The following ZNF337 variants were observed in gnomAD, a reference collection of about 807,000 sequenced individuals.
ZNF337 encodes the protein zinc finger protein 337.
In ZNF337, 8 loss-of-function variants were observed where a neutral mutation model predicts 12.1. That is an observed-to-expected ratio of 0.66 (90% CI 0.39 to 1.19). The LOEUF is 1.19. Among genes scored for constraint, ZNF337 ranks in the 50% most tolerant of loss-of-function variants. The pLI is 0.01. For synonymous variants in ZNF337, 336 were observed against 320.0 expected (o/e 1.05, Z -0.53); for missense variants, 882 against 896.6 (o/e 0.98, Z 0.21).
intron 4 of ZNF337, chr20:25,677,458 G>A (rs1017716268): frequency 6.4e-6 from 1 of 157,414 alleles, no homozygotes; most frequent in African/African-American, 2.4e-5. Flanking sequence ...CATCAACAGA[G>A]TGAAGGACCA....
chr20:25,681,504 T>C (rs536374387), intron 4 of ZNF337, among the ~76,000 whole-genome samples: 1 of 151,626 alleles, frequency 6.6e-6, no homozygotes, highest in East Asian at 1.9e-4. Context: ...TCAACAACAA[T>C]AACCATAAAA....
intron 3 of ZNF337, 84 bp from the exon 4 acceptor site, chr20:25,685,746 G>T: frequency 7.6e-7 from 1 of 1,318,786 alleles, no homozygotes; most frequent in Non-Finnish European, 1.1e-6. Context: ...GGGCAGGAAG[G>T]GAGGGAGAAT....
At chr20:25,694,029 T>C (rs2122478166) in intron 1 of ZNF337, among the ~76,000 whole-genome samples, 1 of 152,306 alleles carries the variant, frequency 6.6e-6, no homozygotes, top group South Asian at 2.1e-4. Flanking sequence ...ATCCTGAGTG[T>C]GGGCATCGCA....
intron 1 of ZNF337, among the ~76,000 whole-genome samples, chr20:25,689,009 C>T (rs1312298697): frequency 6.6e-6 from 1 of 151,930 alleles, no homozygotes; most frequent in African/African-American, 2.4e-5. Flanking sequence ...GTGGTGGCGG[C>T]GCCTGTAGTC....
At chr20:25,689,759 T>C (rs1673797408) in intron 1 of ZNF337, among the ~76,000 whole-genome samples, 1 of 152,226 alleles carries the variant, frequency 6.6e-6, no homozygotes, top group South Asian at 2.1e-4. Context: ...TTTAAAATGA[T>C]CAAATCTGGA....
chr20:25,693,692 T>C (rs1219984369), intron 1 of ZNF337, among the ~76,000 whole-genome samples: 2 of 152,150 alleles, frequency 1.3e-5, no homozygotes, highest in African/African-American at 2.4e-5. Flanking sequence ...GAGCCTCAGA[T>C]GGGACAGTGT....
intron 4 of ZNF337, among the ~76,000 whole-genome samples, chr20:25,681,841 ATGC>A (rs2065771968): frequency 1.3e-5 from 2 of 152,244 alleles, no homozygotes; most frequent in African/African-American, 4.8e-5. Flanking sequence ...ATTGATATGC[ATGC>A]TGAAGTGTTT....
chr20:25,690,500 G>A (rs1045699294), intron 1 of ZNF337, among the ~76,000 whole-genome samples: 8 of 152,204 alleles, frequency 5.3e-5, no homozygotes, highest in African/African-American at 1.9e-4. Flanking sequence ...AGAAAGCACA[G>A]TAGACCTTTC....
At position 25,675,810 on chromosome 20, in the gene ZNF337, C is replaced by T. The variant is rs777945402; in HGVS notation, c.1478G>A (p.Cys493Tyr). Residue 493 changes from cysteine (C) to tyrosine (Y), a missense_variant, in exon 5 of 5, where the codon TGT (cysteine) becomes TAT (tyrosine). Transcript: ENST00000252979. The part of the protein sequence containing the change: ...SEEKPYGCRE[C>Y]GRRFRDKSSY... ...GGACTTATCCCGAAACCTTCGCCCACACTCCCGACATCCATAAGGCTTCTC... is the reference window on the plus strand; with the variant it reads ...GGACTTATCCCGAAACCTTCGCCCATACTCCCGACATCCATAAGGCTTCTC... The T allele has an allele frequency of 1.2e-6, 2 of 1,614,070 alleles. No individual in the cohort carries two copies. Among genetic ancestry groups the T allele is most frequent in the Non-Finnish European group, 1.7e-6 (2 of 1,180,036 alleles).
At chr20:25,680,015 A>C (rs2065752303) in intron 4 of ZNF337, among the ~76,000 whole-genome samples, 1 of 152,184 alleles carries the variant, frequency 6.6e-6, no homozygotes, top group African/African-American at 2.4e-5. Flanking sequence ...TATCATTAGA[A>C]TCATTATCAT....
At chr20:25,688,629 T>C (rs1195772861) in intron 1 of ZNF337, among the ~76,000 whole-genome samples, 1 of 152,178 alleles carries the variant, frequency 6.6e-6, no homozygotes, top group Non-Finnish European at 1.5e-5. Flanking sequence ...CCTGAATAGG[T>C]GTGAAATGTT....
intron 1 of ZNF337, among the ~76,000 whole-genome samples, chr20:25,692,263 G>C (rs2065887594): frequency 6.6e-6 from 1 of 152,190 alleles, no homozygotes; most frequent in Non-Finnish European, 1.5e-5. Flanking sequence ...GAAAATTTCT[G>C]CATAAACTGG....
At position 25,675,381 on chromosome 20, in the gene ZNF337, C is replaced by T. The variant is rs763195980; in HGVS notation, c.1907G>A (p.Gly636Asp). 4.3e-6 allele frequency: 7 copies of T among 1,614,114 alleles called. No homozygotes were observed. In the Admixed American group the frequency reaches 1.0e-4, roughly 23 times the overall value. ...GAGGAGATTTCCCTTCCAGTTGAAG[C>T]CTCGCCCACACTCCTTGCATACAAA... ...QPFVCKECGR[G>D]FNWKGNLLTH... is the part of the protein sequence containing the mutation. Residue 636 changes from glycine to aspartate, a missense_variant, in exon 5 of 5, where the codon GGC becomes GAC. Physicochemically the swap from Gly to Asp is moderately conservative, Grantham distance 94. Coordinates refer to ENST00000252979, the MANE Select transcript of ZNF337 (RefSeq NM_015655.4).
chr20:25,676,500 G>T lies in ZNF337; in HGVS notation c.788C>A (p.Pro263His). 1.2e-6 allele frequency: 2 copies of T among 1,613,936 alleles called. No individual in the cohort carries two copies. The highest frequency in any genetic ancestry group is 1.7e-6 in the Non-Finnish European group (2 of 1,179,972). ...RHQRTHSGEK[P>H]FLCKVCGRGY... is the part of the protein sequence containing the mutation. ...TCGTCCACACACCTTGCACAGAAAA[G>T]GCTTCTCTCCTGAGTGTGTCCTCTG... Residue 263 changes from proline (P) to histidine (H), a missense_variant, in exon 5 of 5, where the codon CCT becomes CAT. Pro to His is a moderately conservative substitution (Grantham distance 77). Coordinates refer to ENST00000252979, the MANE Select transcript of ZNF337 (RefSeq NM_015655.4).
At position 25,676,840 on chromosome 20, in the gene ZNF337, C is replaced by T. The variant is rs1241788017; in HGVS notation, c.448G>A (p.Val150Met). The T allele has an allele frequency of 6.2e-7, 1 of 1,614,068 alleles. No individual in the cohort carries two copies. The highest frequency in any genetic ancestry group is 1.7e-5 in the Admixed American group (1 of 59,998). ...TGGCCTTGACTAGACTCTATTTCCA[C>T]TACACTGTTCCTCCTCCTTGAGCTT... ...AVSSRRRNSVVEIESSQGQRE... is the reference protein window; with the variant it reads ...AVSSRRRNSVMEIESSQGQRE... The change falls in exon 5 of 5, where the codon GTG becomes ATG. Residue 150 changes from valine (V) to methionine (M), a missense_variant. Coordinates refer to ENST00000252979, the MANE Select transcript of ZNF337 (RefSeq NM_015655.4).
In ZNF337 at chr20:25,696,741, C is replaced by A. The variant is rs371803717; in HGVS notation, c.-50+18G>T. 2.3e-4 allele frequency: 228 copies of A among 985,486 alleles called. No homozygotes were observed. The African/African-American group carries it at 3.5e-3, about 15-fold the overall frequency. 61.0% of individuals were successfully genotyped at this position (985,486 alleles called of 1,614,324 possible). ...GAAGGGCGCGCTGCAGAGAGGGACC[C>A]GCAGGAGCGCAGCTCACCGGGGCGG... On this transcript the variant is annotated intron_variant, in intron 1 of 4. Transcript: ENST00000252979.
At position 25,675,022 on chromosome 20, in the gene ZNF337, A is replaced by C; in HGVS notation, c.*10T>G. The C allele has an allele frequency of 6.2e-7, 1 of 1,607,454 alleles. No individual in the cohort carries two copies. The highest frequency in any genetic ancestry group is 2.2e-5 in the East Asian group (1 of 44,842). ...TGAGTGTGTCCTCTGATGGATGGTGAGATATAACTTCAAGATGAAGCCTCA... is the reference window on the plus strand; with the variant it reads ...TGAGTGTGTCCTCTGATGGATGGTGCGATATAACTTCAAGATGAAGCCTCA... On this transcript the variant is annotated 3_prime_UTR_variant, in exon 5 of 5. Coordinates refer to ENST00000252979, the MANE Select transcript of ZNF337 (RefSeq NM_015655.4).
chr20:25,694,703 T>C (rs2065906252), intron 1 of ZNF337, among the ~76,000 whole-genome samples: 1 of 152,162 alleles, frequency 6.6e-6, no homozygotes, highest in African/African-American at 2.4e-5. Flanking sequence ...CGAGAAACCA[T>C]AAAATCTCAT....
Position 25,674,916 on chromosome 20 carries a change from A to G in ZNF337, c.*116T>C. The G allele has an allele frequency of 1.1e-6, 1 of 935,634 alleles. No homozygotes were observed. The highest frequency in any genetic ancestry group is 2.7e-5 in the Admixed American group (1 of 37,496). 58.0% of individuals were successfully genotyped at this position (935,634 alleles called of 1,614,324 possible). A position where few individuals can be genotyped will look rare whatever the true frequency, so the allele number is the denominator to read the frequency against. On this transcript the variant is annotated 3_prime_UTR_variant, in exon 5 of 5. Transcript: ENST00000252979. ...ATTCAGGTTCTCTGTAGCCCTCTGGATTCTGTCTGCCTCTGTTATATCTTC... is the reference window on the plus strand; with the variant it reads ...ATTCAGGTTCTCTGTAGCCCTCTGGGTTCTGTCTGCCTCTGTTATATCTTC...
Sources: gnomAD v4.1 joint callset for allele counts (sites outside exome capture counted in the v4.1 genomes callset) on GRCh38, gnomAD v4.1.1 for gene constraint, MANE v1.5 for transcripts, NCBI Gene and HGNC (gene_info 2026-07-23, HGNC 2026-07-21) for gene names.